The following FAS variants were observed in gnomAD, a reference collection of about 807,000 sequenced individuals.
FAS encodes tumor necrosis factor receptor superfamily member 6.
Under a neutral mutation model 33.2 loss-of-function variants are expected in FAS, and 5 were observed. That is an observed-to-expected ratio of 0.15 (90% CI 0.08 to 0.32). The LOEUF is 0.32. Among genes scored for constraint, FAS ranks in the 10% least tolerant of loss-of-function variants. The pLI is 1.00. For missense variants in FAS, 339 were observed against 386.0 expected, an observed-to-expected ratio of 0.88 and a Z score of 1.02; for synonymous variants, 131 against 130.7, an observed-to-expected ratio of 1.00 and a Z score of -0.01.
intron 1 of FAS, among the ~76,000 whole-genome samples, chr10:88,993,745 G>A (rs981582249): frequency 6.6e-6 from 1 of 152,060 alleles, no homozygotes; most frequent in Non-Finnish European, 1.5e-5. Flanking sequence ...TATTTTTGTA[G>A]CTTAATTTGT....
At chr10:89,008,379 G>A (rs1263323583) in intron 3 of FAS, among the ~76,000 whole-genome samples, 1 of 152,146 alleles carries the variant, frequency 6.6e-6, no homozygotes, top group Non-Finnish European at 1.5e-5. Context: ...TGGACATAAA[G>A]CTTTTCCCAT....
rs756522969 is a variant in FAS, at chr10:89,003,049, A to C, written c.51A>C (p.Arg17Ser). The C allele has an allele frequency of 6.8e-6, 11 of 1,614,022 alleles. No individual in the cohort carries two copies. In the South Asian group the frequency reaches 1.2e-4, roughly 18 times the overall value. The change falls in exon 2 of 9, where the codon AGA (arginine) becomes AGC (serine). Residue 17 changes from arginine (R) to serine (S), a missense_variant. Arg to Ser is a moderately radical substitution (Grantham distance 110). Coordinates refer to ENST00000652046, the MANE Select transcript of FAS (RefSeq NM_000043.6). ...TACAGGTTCTTACGTCTGTTGCTAG[A>C]TTATCGTCCAAAAGTGTTAATGCCC... ...LLPLVLTSVA[R>S]LSSKSVNAQV...
chr10:88,976,217 G>A (rs1406115401), intron 2 of FAS, among the ~76,000 whole-genome samples: 1 of 151,932 alleles, frequency 6.6e-6, no homozygotes, highest in Non-Finnish European at 1.5e-5. Context: ...AAAAAAAATC[G>A]CCAAAAATCT....
At chr10:88,969,224 A>G (rs1846379002) in intron 1 of FAS, among the ~76,000 whole-genome samples, 2 of 152,224 alleles carry the variant, frequency 1.3e-5, no homozygotes, top group Admixed American at 1.3e-4. Flanking sequence ...TAGGATCAGC[A>G]TAGATTTCCG....
At chr10:88,993,304 C>CTT (rs1395462674) in intron 1 of FAS, among the ~76,000 whole-genome samples, 1 of 98,662 alleles carries the variant, frequency 1.0e-5, no homozygotes, top group South Asian at 2.7e-4. Flanking sequence ...CTGTGGGTTG[C>CTT]ATTTTTTTTT....
intron 7 of FAS, 43 bp from the exon 8 acceptor site, chr10:89,013,296 GATAT>G: frequency 6.4e-7 from 1 of 1,564,354 alleles, no homozygotes; most frequent in Non-Finnish European, 8.8e-7. Context: ...ATATTCTAAA[GATAT>G]ATTTTTATTT....
upstream of FAS, among the ~76,000 whole-genome samples, chr10:88,984,161 T>G (rs761925855): frequency 5.3e-5 from 8 of 152,200 alleles, no homozygotes; most frequent in Non-Finnish European, 1.0e-4. Flanking sequence ...CTTGTTAAAC[T>G]ATAGGAAGTT....
chr10:88,998,487 T>C (rs1229958950), intron 1 of FAS, among the ~76,000 whole-genome samples: 2 of 152,208 alleles, frequency 1.3e-5, no homozygotes, highest in East Asian at 1.9e-4. Context: ...ACCAGTCACA[T>C]TGGATTAAGG....
intron 1 of FAS, among the ~76,000 whole-genome samples, chr10:88,967,330 AT>A (rs1337273741): frequency 6.6e-6 from 1 of 152,160 alleles, no homozygotes; most frequent in Non-Finnish European, 1.5e-5. Flanking sequence ...GGTAGGTTGG[AT>A]TCATATCCCA....
chr10:88,968,133 T>G (rs1372709441), intron 1 of FAS, among the ~76,000 whole-genome samples: 1 of 152,212 alleles, frequency 6.6e-6, no homozygotes, highest in African/African-American at 2.4e-5. Flanking sequence ...TGCAGTTATA[T>G]GTATTTAACT....
At chr10:89,005,390 T>C (rs1214137541) in intron 2 of FAS, among the ~76,000 whole-genome samples, 2 of 152,128 alleles carry the variant, frequency 1.3e-5, no homozygotes, top group Non-Finnish European at 2.9e-5. Flanking sequence ...TTTTAAGTGA[T>C]TTCCTATGTA....
chr10:88,977,485 G>A (rs925368609), intron 2 of FAS, among the ~76,000 whole-genome samples: 4 of 151,882 alleles, frequency 2.6e-5, no homozygotes, highest in African/African-American at 9.7e-5. Flanking sequence ...GATATGCGGC[G>A]TTCAACCTAC....
upstream of FAS, among the ~76,000 whole-genome samples, chr10:88,984,978 G>C (rs533170694): frequency 6.6e-6 from 1 of 152,306 alleles, no homozygotes; most frequent in South Asian, 2.1e-4. Flanking sequence ...AAGCAGTATA[G>C]GTAAATAAAA....
chr10:89,013,417 T>C, intron 8 of FAS, 50 bp downstream of exon 8: 5 of 1,529,234 alleles, frequency 3.3e-6, no homozygotes, highest in Non-Finnish European at 4.5e-6. Context: ...TTTAGAGTAA[T>C]AGGCCAATTT....
chr10:88,981,493 G>A (rs907602707), intron 2 of FAS, among the ~76,000 whole-genome samples: 3 of 151,954 alleles, frequency 2.0e-5, no homozygotes, highest in Non-Finnish European at 2.9e-5. Flanking sequence ...TTTTGGGTGA[G>A]GTCTAGACTA....
chr10:89,009,348 T>C (rs1848410646), intron 4 of FAS, among the ~76,000 whole-genome samples: 1 of 152,218 alleles, frequency 6.6e-6, no homozygotes, highest in Non-Finnish European at 1.5e-5. Flanking sequence ...GAAAAACTTT[T>C]CAACTCTGCC....
At chr10:88,993,448 A>G (rs1297766058) in intron 1 of FAS, among the ~76,000 whole-genome samples, 2 of 152,140 alleles carry the variant, frequency 1.3e-5, no homozygotes, top group Non-Finnish European at 2.9e-5. Context: ...CGAAGCCTCT[A>G]AGAGTCCATG....
At chr10:88,967,885 A>G (rs534897068) in intron 1 of FAS, among the ~76,000 whole-genome samples, 2 of 152,340 alleles carry the variant, frequency 1.3e-5, no homozygotes, top group African/African-American at 4.8e-5. Context: ...TACTTGAAAT[A>G]AATATGAATT....
intron 1 of FAS, 158 bp from the exon 2 acceptor site, chr10:89,002,871 C>T (rs2133468896): frequency 2.4e-5 from 18 of 756,662 alleles, no homozygotes; most frequent in South Asian, 6.3e-5. Flanking sequence ...AAGTGACCTG[C>T]TGCTTTCTTG....
Sources: allele counts gnomAD v4.1 joint callset (sites outside exome capture counted in the v4.1 genomes callset), GRCh38; gene constraint gnomAD v4.1.1; transcripts MANE v1.5; gene names NCBI Gene and HGNC (gene_info 2026-07-23, HGNC 2026-07-21).